The following PDE4DIP variants were observed in gnomAD, a reference collection of about 807,000 sequenced individuals.
PDE4DIP encodes the protein phosphodiesterase 4D interacting protein.
In PDE4DIP, 59 loss-of-function variants were observed where a neutral mutation model predicts 221.4. That is an observed-to-expected ratio of 0.27 (90% confidence interval 0.22 to 0.33). The LOEUF is 0.33. Among genes scored for constraint, PDE4DIP ranks in the 10% least tolerant of loss-of-function variants. The probability of loss-of-function intolerance (pLI) is 1.00; values close to 1 mark genes in which losing one functional copy is unlikely to be tolerated. For synonymous variants in PDE4DIP, 404 were observed against 815.9 expected (o/e 0.50, Z 8.60); for missense variants, 1,036 against 2,154.2 (o/e 0.48, Z 10.28).
At chr1:149,022,039 G>A (rs1353457132) in intron 37 of PDE4DIP, among the ~76,000 whole-genome samples, 8 of 150,346 alleles carry the variant, frequency 5.3e-5, no homozygotes, top group Admixed American at 4.6e-4. Context: ...AATATCAGTG[G>A]TAGAAATATA....
rs1388850046 is a variant in PDE4DIP at position 148,892,319 on chromosome 1, G to T, written c.141+2425G>T. ...CAGGATTTTTTTTTTTTTTAAAGCTGAATCAGATGGCTGTCTGGATCATTT... is the reference window on the plus strand; with the variant it reads ...CAGGATTTTTTTTTTTTTTAAAGCTTAATCAGATGGCTGTCTGGATCATTT... On this transcript the variant is annotated intron_variant, in intron 1 of 43. Coordinates refer to ENST00000369354, the Ensembl canonical transcript of PDE4DIP. 1.3e-4 allele frequency among the ~76,000 whole-genome samples: 16 copies of T among 121,854 alleles called. 3 individuals carry two copies. The highest frequency in any genetic ancestry group is 9.1e-4 in the Admixed American group (11 of 12,032). The allele number at this position is 121,854 out of a possible 152,430, so 79.9% of individuals were successfully genotyped here. A position where few individuals can be genotyped will look rare whatever the true frequency, so the allele number is the denominator to read the frequency against.
At chr1:148,912,282 C>G (rs2042916247) in intron 1 of PDE4DIP, among the ~76,000 whole-genome samples, 1 of 146,852 alleles carries the variant, frequency 6.8e-6, no homozygotes, top group Non-Finnish European at 1.5e-5. Flanking sequence ...ATTCTTTGCA[C>G]TTGGCAGTTT....
chr1:148,989,438 T>C (rs2062569014), intron 21 of PDE4DIP: 1 of 555,728 alleles, frequency 1.8e-6, no homozygotes, highest in African/African-American at 2.1e-5. Context: ...TGGAGCATTA[T>C]CCAAGAATGC....
At chr1:148,960,240 A>G (rs1293202647) in intron 5 of PDE4DIP, among the ~76,000 whole-genome samples, 18 of 152,222 alleles carry the variant, frequency 1.2e-4, no homozygotes, top group African/African-American at 4.3e-4. Context: ...TAAGAAAGGT[A>G]GCCGGAATGT....
At chr1:148,998,346 A>G (rs1553569116) in exon 23 of PDE4DIP, 2 of 1,592,170 alleles carry the variant, frequency 1.3e-6, no homozygotes, top group African/African-American at 2.7e-5. Flanking sequence ...AAATTGAGGA[A>G]GCAGGATTCT....
In PDE4DIP at chr1:149,028,907, C is replaced by T. The variant is rs587690663; in HGVS notation, c.6813+204C>T. Among the ~76,000 whole-genome samples the T allele has an allele frequency of 4.8e-3, 736 of 152,186 alleles. 1 individual carries two copies. Among genetic ancestry groups the T allele is most frequent in the Non-Finnish European group, 7.9e-3 (538 of 68,010 alleles). On this transcript the variant is annotated intron_variant, in intron 41 of 43. Coordinates refer to ENST00000369354, the Ensembl canonical transcript of PDE4DIP. ...ATTACAGCTCTGAATATATCCCATT[C>T]CCCACCAGCCCCCTGTCCCCTGGTT...
chr1:148,876,962 C>A (rs10752803), intron 3 of PDE4DIP, among the ~76,000 whole-genome samples: 1 of 141,058 alleles, frequency 7.1e-6, no homozygotes, highest in Admixed American at 6.9e-5. Flanking sequence ...TGCAGTGAGC[C>A]GAGATTGCCA....
intron 21 of PDE4DIP, chr1:148,985,433 T>C (rs1174181659): frequency 1.3e-5 from 2 of 152,204 alleles, no homozygotes; most frequent in Non-Finnish European, 2.9e-5. Context: ...TTTGCACCAG[T>C]AGCTTTGTTA....
chr1:148,999,992 C>T (rs587742099), intron 23 of PDE4DIP, among the ~76,000 whole-genome samples: 13 of 151,626 alleles, frequency 8.6e-5, no homozygotes, highest in East Asian at 7.9e-4. Flanking sequence ...TATACACATG[C>T]GCCCTCTTTA....
exon 31 of PDE4DIP, chr1:149,010,452 A>G (rs782273185): frequency 3.7e-6 from 6 of 1,613,294 alleles, no homozygotes; most frequent in Admixed American, 1.7e-5. Flanking sequence ...GATTCCATCC[A>G]TCATTCGAGT....
chr1:148,930,047 T>G (rs2047525833), intron 2 of PDE4DIP: 1 of 151,696 alleles, frequency 6.6e-6, no homozygotes, highest in African/African-American at 2.4e-5. Context: ...CAGTCCGTGA[T>G]AGGGAGAAGA....
intron 18 of PDE4DIP, 25 bp from the exon 22 acceptor site, chr1:148,978,253 T>A (rs2060533516): frequency 1.3e-6 from 2 of 1,567,834 alleles, no homozygotes; most frequent in Non-Finnish European, 1.7e-6. Context: ...TATTTTCACA[T>A]CCATACTTAT....
At chr1:148,984,959 T>G (rs1321210691) in intron 21 of PDE4DIP, 2 of 152,066 alleles carry the variant, frequency 1.3e-5, no homozygotes, top group Non-Finnish European at 2.9e-5. Flanking sequence ...GGGTATCATG[T>G]AGTATTCTGC....
At chr1:148,952,013 G>C (rs1321523223) in intron 5 of PDE4DIP, 69 of 987,132 alleles carry the variant, frequency 7.0e-5, no homozygotes, top group Non-Finnish European at 8.3e-5. Flanking sequence ...GGTACCTAGC[G>C]GCGCTGCCCC....
chr1:149,020,916 C>T, intron 36 of PDE4DIP, 113 bp from the exon 40 acceptor site: 2 of 608,958 alleles, frequency 3.3e-6, no homozygotes, highest in East Asian at 3.0e-5. Context: ...TCAGATGTAA[C>T]CCTAACTGTA....
At chr1:149,020,700 G>T (rs1236570518) in intron 36 of PDE4DIP, 3 of 375,118 alleles carry the variant, frequency 8.0e-6, no homozygotes, top group Admixed American at 4.1e-5. Context: ...CTTGGTCCCA[G>T]CATAAGCCCT....
At chr1:148,968,033 A>G in intron 13 of PDE4DIP, 128 bp downstream of exon 16, 1 of 512,938 alleles carries the variant, frequency 1.9e-6, no homozygotes, top group Non-Finnish European at 3.5e-6. Flanking sequence ...TGGGCAAGTC[A>G]TTGACTTTCA....
chr1:148,893,065 CTG>C (rs60364665), intron 1 of PDE4DIP, among the ~76,000 whole-genome samples: 2,409 of 77,582 alleles, frequency 0.031, 25 homozygotes, highest in African/African-American at 0.072. Context: ...ATGTGTGTGT[CTG>C]TGTGTGTGTG....
chr1:149,029,175 A>T (rs587699790), intron 41 of PDE4DIP, among the ~76,000 whole-genome samples: 185 of 152,240 alleles, frequency 1.2e-3, no homozygotes, highest in African/African-American at 4.3e-3. Context: ...GCATCGCTGG[A>T]CCAGGCCTGG....
Sources: allele counts gnomAD v4.1 joint callset (sites outside exome capture counted in the v4.1 genomes callset), GRCh38; gene constraint gnomAD v4.1.1; transcripts MANE v1.5; gene names NCBI Gene and HGNC (gene_info 2026-07-23, HGNC 2026-07-21).